The following SMYD2 variants were observed in gnomAD, a reference collection of about 807,000 sequenced individuals.
SMYD2 encodes the protein SET and MYND domain containing 2.
SMYD2 carries 53 observed loss-of-function variants against 59.1 expected under a neutral mutation model. The observed-to-expected ratio is 0.90, with a 90% CI of 0.72 to 1.13. SMYD2 has a LOEUF of 1.13. Ranked by LOEUF, SMYD2 falls within the 50% of genes most tolerant of loss-of-function variation. The probability of loss-of-function intolerance (pLI) is 0.00; values close to 1 mark genes in which losing one functional copy is unlikely to be tolerated. For missense variants in SMYD2, 494 were observed against 544.7 expected (o/e 0.91, Z 0.93); for synonymous variants, 208 against 198.8 (o/e 1.05, Z -0.39).
At chr1:214,281,549 TG>T (rs1656447708) in intron 1 of SMYD2, 122 bp downstream of exon 1, 4 of 60,702 alleles carry the variant, frequency 6.6e-5, no homozygotes, top group Non-Finnish European at 1.2e-4. Context: ...TGGGGCGGGG[TG>T]GGGGGCGGGG....
chr1:214,314,961 C>A, intron 3 of SMYD2, 89 bp downstream of exon 3: 1 of 983,066 alleles, frequency 1.0e-6, no homozygotes, highest in Non-Finnish European at 1.6e-6. Flanking sequence ...TGGTAACCAT[C>A]TCTCGTTAAA....
At chr1:214,281,772 TCC>T (rs1656454387) in intron 1 of SMYD2, among the ~76,000 whole-genome samples, 1 of 152,242 alleles carries the variant, frequency 6.6e-6, no homozygotes, top group Non-Finnish European at 1.5e-5. Flanking sequence ...CTCACTGCCC[TCC>T]CGGTGCATTG....
chr1:214,281,283 A>G lies in SMYD2; in HGVS notation c.29A>G (p.Glu10Gly). 7.6e-7 allele frequency: 1 copy of G among 1,320,678 alleles called. No homozygotes were observed. The highest frequency in any genetic ancestry group is 9.7e-7 in the Non-Finnish European group (1 of 1,027,506). 81.8% of individuals were successfully genotyped at this position (1,320,678 alleles called of 1,614,324 possible). A position where few individuals can be genotyped will look rare whatever the true frequency, so the allele number is the denominator to read the frequency against. MRAEGLGGL[E>G]RFCSPGKGRG... ...AGGGCCGAGGGCCTCGGCGGCCTGG[A>G]GCGCTTCTGCAGCCCGGGCAAAGGC... The change falls in exon 1 of 12, where the codon GAG becomes GGG. Residue 10 changes from glutamate to glycine, a missense_variant. Coordinates refer to ENST00000366957, the MANE Select transcript of SMYD2 (RefSeq NM_020197.3).
intron 6 of SMYD2, among the ~76,000 whole-genome samples, chr1:214,325,699 T>G (rs890387097): frequency 3.9e-5 from 6 of 152,022 alleles, no homozygotes; most frequent in Non-Finnish European, 7.4e-5. Context: ...CTAAAAAGTT[T>G]GTTCATGTAA....
intron 1 of SMYD2, 135 bp downstream of exon 1, chr1:214,281,562 G>A: frequency 2.6e-6 from 2 of 780,284 alleles, no homozygotes; most frequent in Non-Finnish European, 3.2e-6. Flanking sequence ...GGGGCGGGGA[G>A]GGGAGGAGGC....
Position 214,286,137 on chromosome 1 carries a change from C to T in SMYD2, c.173+4710C>T, listed in dbSNP as rs1030180342. On this transcript the variant is annotated intron_variant, in intron 1 of 11. Coordinates refer to ENST00000366957, the MANE Select transcript of SMYD2 (RefSeq NM_020197.3). ...CTTTCCTGATGGTTTGTCTTTAGGC[C>T]AGTTATCACTTAACCTCTCTGAACT... Among the ~76,000 whole-genome samples the T allele has an allele frequency of 2.0e-5, 3 of 152,218 alleles. No homozygotes were observed. In the East Asian group the frequency reaches 5.8e-4, roughly 29 times the overall value.
At chr1:214,283,486 A>G (rs1571916366) in intron 1 of SMYD2, among the ~76,000 whole-genome samples, 1 of 152,276 alleles carries the variant, frequency 6.6e-6, no homozygotes, top group East Asian at 1.9e-4. Context: ...TTAAAATAAT[A>G]CAAAAGAAAT....
chr1:214,298,223 G>A (rs1292585836), intron 1 of SMYD2, among the ~76,000 whole-genome samples: 20 of 151,894 alleles, frequency 1.3e-4, no homozygotes, highest in Non-Finnish European at 2.9e-4. Flanking sequence ...CCAGCAGAAC[G>A]GAATAGAGAA....
intron 9 of SMYD2, chr1:214,331,339 C>T (rs1657350988): frequency 2.6e-6 from 1 of 384,282 alleles, no homozygotes; most frequent in East Asian, 5.2e-5. Flanking sequence ...CCTTGATGGC[C>T]TTGTGCTTTG....
At position 214,312,283 on chromosome 1, in the gene SMYD2, G is replaced by A. The variant is rs909178628; in HGVS notation, c.238-2479G>A. On this transcript the variant is annotated intron_variant, in intron 2 of 11. Transcript: ENST00000366957. This position sits in a 1 kb window ranked among gnomAD's most constrained non-coding sequence, Gnocchi z 4.1. The stretch of plus-strand genomic sequence containing the variant: ...CCTTCTTGGGGGATCAGTGTGGAGG[G>A]AAGCGGGTAGGGAGATATCTTCATT... 3.9e-5 allele frequency among the ~76,000 whole-genome samples: 6 copies of A among 152,146 alleles called. No individual in the cohort carries two copies. Among genetic ancestry groups the A allele is most frequent in the African/African-American group, 1.4e-4 (6 of 41,438 alleles).
chr1:214,296,619 G>A (rs2047445), intron 1 of SMYD2, among the ~76,000 whole-genome samples: 42,721 of 152,004 alleles, frequency 0.28, 6,431 homozygotes, highest in Non-Finnish European at 0.34. Flanking sequence ...TCTAAGCAAT[G>A]TATTAAATGT....
chr1:214,298,647 G>A (rs965046095), intron 1 of SMYD2, among the ~76,000 whole-genome samples: 2 of 152,144 alleles, frequency 1.3e-5, no homozygotes, highest in African/African-American at 4.8e-5. Flanking sequence ...CTGTGCATCT[G>A]ACAAAGGTCT....
rs757083172 is a variant in SMYD2 at position 214,319,008 on chromosome 1, ACT to A, written c.534+27_534+28del. On this transcript the variant is annotated intron_variant, in intron 5 of 11. Transcript: ENST00000366957. ...GGTAAGGACGCTGGCAGCAGGTAAC[ACT>A]CAGTCTGGCCTTTCCCTCTCCAAGG... is the stretch of plus-strand genomic sequence containing the variant. 9 of 1,611,860 alleles carry A rather than the reference ACT, an allele frequency of 5.6e-6. No individual in the cohort carries two copies. In the South Asian group the frequency reaches 9.9e-5, roughly 18 times the overall value.
chr1:214,310,588 G>A (rs1359576894), intron 2 of SMYD2, among the ~76,000 whole-genome samples: 1 of 147,096 alleles, frequency 6.8e-6, no homozygotes, highest in Admixed American at 6.9e-5. Context: ...GCACTAACTC[G>A]AATTTTGAAG....
intron 5 of SMYD2, among the ~76,000 whole-genome samples, chr1:214,324,246 C>G (rs748891856): frequency 6.6e-6 from 1 of 152,168 alleles, no homozygotes; most frequent in African/African-American, 2.4e-5. Context: ...CAGATTGATT[C>G]TTTTCTTTAA....
At chr1:214,305,142 C>T (rs766685218) in intron 1 of SMYD2, 45 bp from the exon 2 acceptor site, 2 of 1,570,474 alleles carry the variant, frequency 1.3e-6, no homozygotes, top group East Asian at 2.2e-5. Flanking sequence ...TACAGCTTCA[C>T]GTTTCTGTGT....
At chr1:214,284,281 A>T (rs1656497596) in intron 1 of SMYD2, among the ~76,000 whole-genome samples, 2 of 41,992 alleles carry the variant, frequency 4.8e-5, no homozygotes, top group African/African-American at 1.1e-4. Context: ...TTTTTTTGAG[A>T]CAGAGTTTCG....
intron 5 of SMYD2, 109 bp downstream of exon 5, chr1:214,319,092 C>A: frequency 7.1e-7 from 1 of 1,409,474 alleles, no homozygotes; most frequent in Non-Finnish European, 9.7e-7. Flanking sequence ...ATGGCATCTT[C>A]CTGACAACGA....
rs1376670626 is a variant in SMYD2, at chr1:214,318,765, C to T, written c.410-94C>T. On this transcript the variant is annotated intron_variant, in intron 4 of 11. Coordinates refer to ENST00000366957, the MANE Select transcript of SMYD2 (RefSeq NM_020197.3). This position sits in a 1 kb window ranked among gnomAD's most constrained non-coding sequence, Gnocchi z 5.4. ...AGTTTTGGGTTTTTTTTTTTTCGCC[C>T]GTTCCTTTCCTCTGTATCATTTACA... 56 of 1,415,810 alleles carry T rather than the reference C, an allele frequency of 4.0e-5. No homozygotes were observed. The African/African-American group carries it at 5.0e-4, about 13-fold the overall frequency. 87.7% of individuals were successfully genotyped at this position (1,415,810 alleles called of 1,614,324 possible).
Sources: allele counts gnomAD v4.1 joint callset (sites outside exome capture counted in the v4.1 genomes callset), GRCh38; gene constraint gnomAD v4.1.1; non-coding constraint Gnocchi (gnomAD v3.1); transcripts MANE v1.5; gene names NCBI Gene and HGNC (gene_info 2026-07-23, HGNC 2026-07-21).